The following NOS1AP variants were observed in gnomAD, a reference collection of about 807,000 sequenced individuals.
NOS1AP encodes nitric oxide synthase 1 adaptor protein.
NOS1AP carries 21 observed loss-of-function variants against 56.2 expected under a neutral mutation model. The observed-to-expected ratio is 0.37, with a 90% CI of 0.26 to 0.54. The LOEUF is 0.54. NOS1AP is among the 20% of genes least tolerant of loss of function. NOS1AP has a pLI of 0.84. For synonymous variants in NOS1AP, 270 were observed against 274.6 expected, an observed-to-expected ratio of 0.98 and a Z score of 0.17; for missense variants, 522 against 657.8, an observed-to-expected ratio of 0.79 and a Z score of 2.26.
chr1:162,133,535 A>G (rs1648847464), intron 1 of NOS1AP, among the ~76,000 whole-genome samples: 1 of 152,212 alleles, frequency 6.6e-6, no homozygotes. Flanking sequence ...TTTCCTTTTT[A>G]TAATCTGGCA....
intron 2 of NOS1AP, among the ~76,000 whole-genome samples, chr1:162,242,160 G>T (rs1205287361): frequency 1.3e-5 from 2 of 152,186 alleles, no homozygotes; most frequent in African/African-American, 4.8e-5. Context: ...AAGGAACAGA[G>T]TATATTCCCT....
At chr1:162,209,715 C>T (rs1169936998) in intron 2 of NOS1AP, among the ~76,000 whole-genome samples, 2 of 152,100 alleles carry the variant, frequency 1.3e-5, no homozygotes, top group Non-Finnish European at 1.5e-5. Context: ...GGGAAGATCC[C>T]TCTCTTGCTA....
intron 1 of NOS1AP, among the ~76,000 whole-genome samples, chr1:162,152,654 T>C (rs553630043): frequency 1.3e-5 from 2 of 152,364 alleles, no homozygotes; most frequent in Admixed American, 1.3e-4. Context: ...GTGGTGGGGC[T>C]GTCCCCTTGG....
chr1:162,358,583 A>G (rs1031785154), intron 8 of NOS1AP, among the ~76,000 whole-genome samples: 4 of 152,186 alleles, frequency 2.6e-5, no homozygotes, highest in African/African-American at 9.7e-5. Context: ...TCTCTTTGTC[A>G]AATAAAAGAA....
At chr1:162,215,060 T>C (rs77465390) in intron 2 of NOS1AP, among the ~76,000 whole-genome samples, 16,965 of 152,256 alleles carry the variant, frequency 0.11, 1,020 homozygotes, top group South Asian at 0.2. Context: ...AGGGCTTTTA[T>C]GCTGCATTCT....
intron 6 of NOS1AP, among the ~76,000 whole-genome samples, chr1:162,344,277 A>C (rs144852043): frequency 6.6e-6 from 1 of 152,186 alleles, no homozygotes; most frequent in South Asian, 2.1e-4. Context: ...CCCATAAAAC[A>C]AATTAGAAAG....
At chr1:162,339,930 T>C (rs1657056261) in intron 5 of NOS1AP, among the ~76,000 whole-genome samples, 1 of 152,162 alleles carries the variant, frequency 6.6e-6, no homozygotes, top group African/African-American at 2.4e-5. Context: ...CCTCTAAAAG[T>C]AGACTTTTTA....
chr1:162,354,166 C>T (rs980826238), intron 6 of NOS1AP, among the ~76,000 whole-genome samples: 4 of 152,352 alleles, frequency 2.6e-5, no homozygotes. Flanking sequence ...GGCCTGGTTG[C>T]CTGGGCTAGC....
At chr1:162,156,955 A>T (rs1472121513) in intron 2 of NOS1AP, among the ~76,000 whole-genome samples, 1 of 152,122 alleles carries the variant, frequency 6.6e-6, no homozygotes, top group African/African-American at 2.4e-5. Context: ...TGACCCTAAT[A>T]TGAGTCATTA....
At chr1:162,222,993 A>G (rs1279322831) in intron 2 of NOS1AP, among the ~76,000 whole-genome samples, 4 of 152,126 alleles carry the variant, frequency 2.6e-5, no homozygotes, top group East Asian at 1.9e-4. Context: ...GAATAAACCC[A>G]CCTGTTGTCA....
At chr1:162,228,035 A>G (rs2101665292) in intron 2 of NOS1AP, among the ~76,000 whole-genome samples, 3 of 152,338 alleles carry the variant, frequency 2.0e-5, no homozygotes, top group Middle Eastern at 6.8e-3. Flanking sequence ...AATATCTGAA[A>G]TGAAAAATAT....
At chr1:162,285,338 G>C (rs1046446117) in intron 2 of NOS1AP, among the ~76,000 whole-genome samples, 1 of 152,194 alleles carries the variant, frequency 6.6e-6, no homozygotes, top group African/African-American at 2.4e-5. Flanking sequence ...AAATGTAGCT[G>C]GTTCACCTCT....
intron 1 of NOS1AP, among the ~76,000 whole-genome samples, chr1:162,088,928 C>T (rs1284038232): frequency 2.0e-5 from 3 of 152,140 alleles, no homozygotes. Context: ...ACCGATACCT[C>T]TTTTGGTATC....
At chr1:162,330,241 T>C (rs1276402682) in intron 4 of NOS1AP, among the ~76,000 whole-genome samples, 2 of 152,236 alleles carry the variant, frequency 1.3e-5, no homozygotes, top group Non-Finnish European at 1.5e-5. Context: ...GATCACATTA[T>C]AGATGAGCAT....
chr1:162,365,228 T>C (rs2101830348), intron 8 of NOS1AP, 176 bp from the exon 9 acceptor site: 1 of 1,463,352 alleles, frequency 6.8e-7, no homozygotes, highest in Admixed American at 2.3e-5. Flanking sequence ...CCACTCCTTT[T>C]GGCTCCTCCT....
intron 2 of NOS1AP, among the ~76,000 whole-genome samples, chr1:162,234,085 A>C (rs757708274): frequency 1.3e-5 from 2 of 152,216 alleles, no homozygotes; most frequent in Non-Finnish European, 2.9e-5. Context: ...CATAGAGAGG[A>C]CTGCAAACAC....
chr1:162,219,417 C>T (rs1652693027), intron 2 of NOS1AP, among the ~76,000 whole-genome samples: 1 of 152,214 alleles, frequency 6.6e-6, no homozygotes, highest in Non-Finnish European at 1.5e-5. Flanking sequence ...CCTTCTGCCT[C>T]TTTCTTTTTT....
At chr1:162,125,130 C>CTTTTTTTTTTTTTTTTTTTTTTTTTTT (rs56264198) in intron 1 of NOS1AP, among the ~76,000 whole-genome samples, 10 of 124,136 alleles carry the variant, frequency 8.1e-5, no homozygotes, top group African/African-American at 3.2e-4. Flanking sequence ...GTTTCTGACT[C>CTTTTTTTTTTTTTTTTTTTTTTTTTTT]TTTTTTTTTT....
At chr1:162,170,836 G>A (rs530753049) in intron 2 of NOS1AP, among the ~76,000 whole-genome samples, 88 of 152,244 alleles carry the variant, frequency 5.8e-4, no homozygotes, top group African/African-American at 2.1e-3. Context: ...ACACTCAAGA[G>A]GCTGAGGCAG....
Sources: gnomAD v4.1 joint callset for allele counts (sites outside exome capture counted in the v4.1 genomes callset) on GRCh38, gnomAD v4.1.1 for gene constraint, MANE v1.5 for transcripts, NCBI Gene and HGNC (gene_info 2026-07-23, HGNC 2026-07-21) for gene names.